SMOC2: variants seen among roughly 807,000 people sequenced by gnomAD.
The protein encoded by SMOC2 is SPARC-related modular calcium-binding protein 2.
SMOC2 carries 39 observed loss-of-function variants against 61.4 expected under a neutral mutation model. The ratio of observed to expected loss-of-function variants is 0.64; its 90% CI spans 0.49 to 0.83. The LOEUF (loss-of-function observed/expected upper bound fraction) is 0.83, where lower values mean the gene tolerates loss of function less well. Ranked by LOEUF, SMOC2 falls within the 40% of genes least tolerant of loss-of-function variation. SMOC2 has a pLI of 0.00. For synonymous variants in SMOC2, 247 were observed against 239.9 expected (o/e 1.03, Z -0.27); for missense variants, 556 against 592.9 (o/e 0.94, Z 0.65).
At chr6:168,590,956 A>C (rs1414192337) in intron 7 of SMOC2, among the ~76,000 whole-genome samples, 1 of 152,236 alleles carries the variant, frequency 6.6e-6, no homozygotes, top group Admixed American at 6.5e-5. Context: ...ATTAAAAAAA[A>C]GTTGTTACAT....
intron 9 of SMOC2, among the ~76,000 whole-genome samples, chr6:168,638,999 T>C (rs934802641): frequency 2.0e-5 from 3 of 152,200 alleles, no homozygotes; most frequent in African/African-American, 7.2e-5. Flanking sequence ...TTATTGTGTG[T>C]AGACCTGGCT....
At chr6:168,490,683 C>A (rs182066160) in intron 1 of SMOC2, among the ~76,000 whole-genome samples, 1 of 152,308 alleles carries the variant, frequency 6.6e-6, no homozygotes, top group South Asian at 2.1e-4. Flanking sequence ...TTAGAGACAG[C>A]AGGTCAGTGC....
At chr6:168,657,556 C>T (rs1207488150) in intron 11 of SMOC2, among the ~76,000 whole-genome samples, 1 of 152,242 alleles carries the variant, frequency 6.6e-6, no homozygotes, top group African/African-American at 2.4e-5. Context: ...GAGCACTTCT[C>T]TCTTACTGCC....
At chr6:168,555,888 C>T (rs1234337179) in intron 7 of SMOC2, among the ~76,000 whole-genome samples, 1 of 152,196 alleles carries the variant, frequency 6.6e-6, no homozygotes, top group Non-Finnish European at 1.5e-5. Context: ...GCCGAGGCAG[C>T]ACCGGGCAGT....
intron 7 of SMOC2, among the ~76,000 whole-genome samples, chr6:168,591,470 C>G (rs1156307546): frequency 4.6e-5 from 7 of 152,174 alleles, no homozygotes; most frequent in Admixed American, 4.6e-4. Context: ...GTGTCACTGA[C>G]TCTGGCAAGA....
intron 4 of SMOC2, among the ~76,000 whole-genome samples, chr6:168,531,210 G>A (rs143064987): frequency 2.0e-5 from 3 of 152,018 alleles, no homozygotes; most frequent in Non-Finnish European, 2.9e-5. Context: ...AGAGCAGGGG[G>A]GTCAATTTTG....
chr6:168,600,346 G>T (rs1785510643), intron 8 of SMOC2, among the ~76,000 whole-genome samples: 1 of 148,968 alleles, frequency 6.7e-6, no homozygotes. Context: ...GGCGGAGGTT[G>T]CAGTGAGCCA....
intron 7 of SMOC2, among the ~76,000 whole-genome samples, chr6:168,587,569 C>G (rs73260682): frequency 6.6e-6 from 1 of 152,168 alleles, no homozygotes; most frequent in South Asian, 2.1e-4. Flanking sequence ...GAATATACAA[C>G]GTACATCTGA....
At chr6:168,573,067 AC>A (rs1784707487) in intron 7 of SMOC2, among the ~76,000 whole-genome samples, 1 of 84,584 alleles carries the variant, frequency 1.2e-5, no homozygotes, top group African/African-American at 6.6e-5. Context: ...GGGTGCGGGG[AC>A]CAGGGCTGCG....
chr6:168,453,433 GCTCT>G lies in SMOC2; in HGVS notation c.84+11984_84+11987del, dbSNP rs755020030. On this transcript the variant is annotated intron_variant, in intron 1 of 12. Coordinates refer to ENST00000356284, the MANE Select transcript of SMOC2 (RefSeq NM_001166412.2). The surrounding 1 kb of genome is among the most constrained non-coding windows in gnomAD (Gnocchi z 4.4). ...AGCCAAGTGGAGAGTTAGAGGCTAG[GCTCT>G]CTCTTTCTCTCTGTCTCTGTGTGTC... 3.3e-5 allele frequency among the ~76,000 whole-genome samples: 5 copies of G among 152,140 alleles called. No individual in the cohort carries two copies. Among genetic ancestry groups the G allele is most frequent in the African/African-American group, 7.2e-5 (3 of 41,432 alleles).
At chr6:168,543,756 C>A in intron 5 of SMOC2, 84 bp downstream of exon 5, 2 of 1,279,804 alleles carry the variant, frequency 1.6e-6, no homozygotes, top group Non-Finnish European at 2.2e-6. Context: ...AAAGTTGAAA[C>A]ATCCACTAGT....
rs1244581785 is a variant in SMOC2, at chr6:168,453,018, G to T, written c.84+11564G>T. Among the ~76,000 whole-genome samples, 1 of 152,230 alleles carries T rather than the reference G, an allele frequency of 6.6e-6. No individual in the cohort carries two copies. Among genetic ancestry groups the T allele is most frequent in the East Asian group, 1.9e-4 (1 of 5,192 alleles). On this transcript the variant is annotated intron_variant, in intron 1 of 12. Coordinates refer to ENST00000356284, the MANE Select transcript of SMOC2 (RefSeq NM_001166412.2). The surrounding 1 kb of genome is among the most constrained non-coding windows in gnomAD (Gnocchi z 4.4). Reference sequence around the variant, plus strand: ...AGTGGCTCTGACAGCAGGGCCGGGGGCATAGTTCCCTGGAAGTCGGTCTTG... The same window carrying T: ...AGTGGCTCTGACAGCAGGGCCGGGGTCATAGTTCCCTGGAAGTCGGTCTTG...
chr6:168,467,722 C>T (rs1163833442), intron 1 of SMOC2, among the ~76,000 whole-genome samples: 1 of 152,116 alleles, frequency 6.6e-6, no homozygotes, highest in Non-Finnish European at 1.5e-5. Flanking sequence ...ACATTTTTGA[C>T]CAGGGTGAAT....
chr6:168,510,996 C>T (rs1038379826), intron 2 of SMOC2, among the ~76,000 whole-genome samples: 12 of 152,156 alleles, frequency 7.9e-5, no homozygotes, highest in Admixed American at 2.6e-4. Context: ...GGTCCCATAA[C>T]GTTGTAATGG....
intron 9 of SMOC2, among the ~76,000 whole-genome samples, chr6:168,610,267 C>T (rs140285094): frequency 6.4e-4 from 98 of 152,294 alleles, no homozygotes; most frequent in African/African-American, 2.1e-3. Flanking sequence ...ACACCTCAGA[C>T]GAAAACCAGA....
intron 2 of SMOC2, among the ~76,000 whole-genome samples, chr6:168,521,363 G>C (rs1783324813): frequency 6.6e-6 from 1 of 152,092 alleles, no homozygotes; most frequent in African/African-American, 2.4e-5. Context: ...TGGCCAGGCT[G>C]GTCTTGAACT....
At chr6:168,446,312 G>A (rs1781332285) in intron 1 of SMOC2, among the ~76,000 whole-genome samples, 1 of 152,186 alleles carries the variant, frequency 6.6e-6, no homozygotes, top group Non-Finnish European at 1.5e-5. Flanking sequence ...GCAGTGAGCC[G>A]AGATCCTGCC....
intron 9 of SMOC2, among the ~76,000 whole-genome samples, chr6:168,608,789 T>C (rs1785778379): frequency 6.6e-6 from 1 of 152,230 alleles, no homozygotes; most frequent in Non-Finnish European, 1.5e-5. Flanking sequence ...GAATTTGATA[T>C]ATCATTAAGA....
rs940471142 is a variant in SMOC2 at position 168,562,525 on chromosome 6, G to A, written c.637+13322G>A. On this transcript the variant is annotated intron_variant, in intron 7 of 12. Coordinates refer to ENST00000356284, the MANE Select transcript of SMOC2 (RefSeq NM_001166412.2). The stretch of plus-strand genomic sequence containing the variant: ...TCGGAGGAGGTGTTATTTTCATGCC[G>A]TCCTCACTTTGGGGGTGAGGAGGTA... 2.7e-5 allele frequency among the ~76,000 whole-genome samples: 4 copies of A among 149,728 alleles called. No homozygotes were observed. In the East Asian group the frequency reaches 8.0e-4, roughly 30 times the overall value.
Sources: gnomAD v4.1 joint callset for allele counts (sites outside exome capture counted in the v4.1 genomes callset) on GRCh38, gnomAD v4.1.1 for gene constraint, Gnocchi (gnomAD v3.1) non-coding constraint, MANE v1.5 for transcripts, NCBI Gene and HGNC (gene_info 2026-07-23, HGNC 2026-07-21) for gene names.